The following NDUFC1 variants were observed in gnomAD, a reference collection of about 807,000 sequenced individuals.
NDUFC1 encodes NADH dehydrogenase [ubiquinone] 1 subunit C1, mitochondrial.
Under a neutral mutation model 11.6 loss-of-function variants are expected in NDUFC1, and 11 were observed. That is an observed-to-expected ratio of 0.95 (90% CI 0.60 to 1.58). NDUFC1 has a LOEUF of 1.58. Among genes scored for constraint, NDUFC1 ranks in the 40% most tolerant of loss-of-function variants. The probability of loss-of-function intolerance (pLI) is 0.00; values close to 1 mark genes in which losing one functional copy is unlikely to be tolerated. For synonymous variants in NDUFC1, 52 were observed against 42.2 expected, an observed-to-expected ratio of 1.23 and a Z score of -0.90; for missense variants, 112 against 93.0, an observed-to-expected ratio of 1.20 and a Z score of -0.84.
Position 139,295,873 on chromosome 4 carries a change from C to G in NDUFC1, c.-75G>C. 6.8e-7 allele frequency: 1 copy of G among 1,470,732 alleles called. No individual in the cohort carries two copies. The highest frequency in any genetic ancestry group is 9.2e-7 in the Non-Finnish European group (1 of 1,088,208). 91.1% of individuals were successfully genotyped at this position (1,470,732 alleles called of 1,614,324 possible). A position where few individuals can be genotyped will look rare whatever the true frequency, so the allele number is the denominator to read the frequency against. ...ACCTGGCGGCCGGAAGTGCGGGACT[C>G]GAGGGCTCTGCAGCAGAGCTCCGTG... On this transcript the variant is annotated 5_prime_UTR_variant, in exon 3 of 6. Coordinates refer to ENST00000394223, the MANE Select transcript of NDUFC1 (RefSeq NM_001184989.2).
chr4:139,298,052 CA>C (rs1745537744), intron 1 of NDUFC1, among the ~76,000 whole-genome samples: 2 of 151,600 alleles, frequency 1.3e-5, no homozygotes, highest in African/African-American at 4.8e-5. Flanking sequence ...CTCGGTGACA[CA>C]GTGAGACCCT....
intron 5 of NDUFC1, among the ~76,000 whole-genome samples, chr4:139,292,302 G>C (rs578260486): frequency 2.0e-5 from 3 of 151,552 alleles, no homozygotes; most frequent in Admixed American, 1.3e-4. Flanking sequence ...TGGCCAACAG[G>C]TCTACAAACA....
chr4:139,301,248 A>G, intron 1 of NDUFC1: 1 of 322,516 alleles, frequency 3.1e-6, no homozygotes, highest in Non-Finnish European at 5.6e-6. Context: ...GGAAGGCGCC[A>G]GAGAGGCTGT....
At chr4:139,294,926 T>C in intron 4 of NDUFC1, 117 bp downstream of exon 4, 1 of 686,670 alleles carries the variant, frequency 1.5e-6, no homozygotes, top group Non-Finnish European at 2.6e-6. Flanking sequence ...AATATCCTAC[T>C]GTTATGAGAG....
At chr4:139,301,684 A>G in intron 1 of NDUFC1, 1 of 1,425,644 alleles carries the variant, frequency 7.0e-7, no homozygotes, top group Non-Finnish European at 9.5e-7. Context: ...GAGATATTCA[A>G]GGCTGAAGCA....
At chr4:139,301,395 A>G (rs2110797200) in intron 1 of NDUFC1, 1 of 424,708 alleles carries the variant, frequency 2.4e-6, no homozygotes, top group African/African-American at 2.0e-5. Context: ...GCCAGCCTCC[A>G]GGTTTCCCGG....
At chr4:139,299,928 T>C (rs568818909) in intron 1 of NDUFC1, among the ~76,000 whole-genome samples, 2 of 152,324 alleles carry the variant, frequency 1.3e-5, no homozygotes, top group Non-Finnish European at 2.9e-5. Flanking sequence ...AGTATTGCTG[T>C]AGGGATTTTT....
At chr4:139,291,199 AG>A (rs1745200221) in intron 5 of NDUFC1, among the ~76,000 whole-genome samples, 3 of 152,036 alleles carry the variant, frequency 2.0e-5, no homozygotes, top group African/African-American at 7.2e-5. Context: ...GTTCATAACT[AG>A]GTTTTTTACC....
In NDUFC1 at chr4:139,301,685, G is replaced by A. The variant is rs3749516; in HGVS notation, c.-222+731C>T. ...GGTGGCGGCGGATCGAGATATTCAA[G>A]GCTGAAGCAGCTACGGAACGGCAGC... On this transcript the variant is annotated intron_variant, in intron 1 of 5. Coordinates refer to ENST00000394223, the MANE Select transcript of NDUFC1 (RefSeq NM_001184989.2). 7,883 of 1,440,468 alleles carry A rather than the reference G, an allele frequency of 5.5e-3. 221 individuals are homozygous for A. In the East Asian group the frequency reaches 0.076, roughly 14 times the overall value. 89.2% of individuals were successfully genotyped at this position (1,440,468 alleles called of 1,614,324 possible).
intron 1 of NDUFC1, 107 bp downstream of exon 1, chr4:139,302,309 C>A (rs150371376): frequency 6.4e-6 from 1 of 156,728 alleles, no homozygotes; most frequent in Non-Finnish European, 1.4e-5. Flanking sequence ...CCCTCTTCCT[C>A]CTCTCTTGGG....
Sources: gnomAD v4.1 joint callset for allele counts (sites outside exome capture counted in the v4.1 genomes callset) on GRCh38, gnomAD v4.1.1 for gene constraint, MANE v1.5 for transcripts, NCBI Gene and HGNC (gene_info 2026-07-23, HGNC 2026-07-21) for gene names.